DDX46: variants seen among roughly 807,000 people sequenced by gnomAD.
The protein encoded by DDX46 is DEAD-box helicase 46.
In DDX46, 30 loss-of-function variants were observed where a neutral mutation model predicts 134.9. The observed-to-expected ratio is 0.22, with a 90% confidence interval of 0.17 to 0.30. The LOEUF is 0.30. Among genes scored for constraint, DDX46 ranks in the 10% least tolerant of loss-of-function variants. The pLI, the probability that DDX46 is intolerant of heterozygous loss-of-function variation, is 1.00. For missense variants in DDX46, 622 were observed against 1,248.7 expected, an observed-to-expected ratio of 0.50 and a Z score of 7.56; for synonymous variants, 415 against 404.1, an observed-to-expected ratio of 1.03 and a Z score of -0.32.
intron 11 of DDX46, 123 bp from the exon 12 acceptor site, chr5:134,788,390 C>G (rs1754405228): frequency 1.4e-6 from 1 of 704,586 alleles, no homozygotes; most frequent in Non-Finnish European, 2.3e-6. Context: ...CCCCGAGATT[C>G]AAAATAATTA....
At position 134,827,097 on chromosome 5, in the gene DDX46, C is replaced by G. The variant is rs1755610837; in HGVS notation, c.3051+77C>G. The G allele has an allele frequency of 3.6e-6, 5 of 1,390,776 alleles. No individual in the cohort carries two copies. The East Asian group carries it at 1.2e-4, about 35-fold the overall frequency. The allele number at this position is 1,390,776 out of a possible 1,614,324, so 86.2% of individuals were successfully genotyped here. ...TGAAATATAAATACAGAGAAGTACT[C>G]AAATCATAAACATATAGTTTGATGA... is the stretch of plus-strand genomic sequence containing the variant. On this transcript the variant is annotated intron_variant, in intron 22 of 22. Coordinates refer to ENST00000452510, the MANE Select transcript of DDX46 (RefSeq NM_001300860.2).
At chr5:134,808,887 G>A (rs935406437) in intron 16 of DDX46, among the ~76,000 whole-genome samples, 5 of 152,058 alleles carry the variant, frequency 3.3e-5, no homozygotes, top group East Asian at 1.9e-4. Flanking sequence ...AATGGATAAC[G>A]TATTATCTGC....
At chr5:134,790,401 G>T in intron 12 of DDX46, 69 bp from the exon 13 acceptor site, 2 of 1,398,084 alleles carry the variant, frequency 1.4e-6, no homozygotes, top group Non-Finnish European at 2.0e-6. Flanking sequence ...AAAAGTTCTT[G>T]GTAGCCATAA....
At chr5:134,765,394 A>T in intron 2 of DDX46, among the ~76,000 whole-genome samples, 1 of 151,434 alleles carries the variant, frequency 6.6e-6, no homozygotes. Flanking sequence ...AAAAAAAAAA[A>T]AAAAAAAAAT....
chr5:134,792,649 CACA>C (rs1310368502), intron 13 of DDX46, among the ~76,000 whole-genome samples: 1 of 152,176 alleles, frequency 6.6e-6, no homozygotes, highest in Non-Finnish European at 1.5e-5. Flanking sequence ...GTGAGTTCAA[CACA>C]ACATTTTCCA....
chr5:134,780,263 A>G (rs1312145312), intron 6 of DDX46, among the ~76,000 whole-genome samples: 2 of 149,850 alleles, frequency 1.3e-5, no homozygotes, highest in Non-Finnish European at 1.5e-5. Context: ...TTTTATATAT[A>G]TTATTGTTAT....
At chr5:134,781,423 ACATTCTGATGTCTT>A (rs1754149855) in intron 7 of DDX46, among the ~76,000 whole-genome samples, 177 bp downstream of exon 7, 1 of 152,112 alleles carries the variant, frequency 6.6e-6, no homozygotes, top group Admixed American at 6.6e-5. Flanking sequence ...GTTTAGTGGA[ACATTCTGATGTCTT>A]CATTCCTAAC....
rs115213465 is a variant in DDX46, at chr5:134,775,456, C to T, written c.613+1595C>T. 5.9e-3 allele frequency among the ~76,000 whole-genome samples: 888 copies of T among 151,716 alleles called. 4 individuals are homozygous for T. Among genetic ancestry groups the T allele is most frequent in the Middle Eastern group, 0.024 (7 of 292 alleles). ...CTTTTTTTTTTCGCTCTGTTGCCTA[C>T]GCTTGAGTGCAGTGCCGTGATCTCG... On this transcript the variant is annotated intron_variant, in intron 5 of 22. Coordinates refer to ENST00000452510, the MANE Select transcript of DDX46 (RefSeq NM_001300860.2).
intron 13 of DDX46, among the ~76,000 whole-genome samples, chr5:134,792,053 T>C (rs1397429969): frequency 6.6e-6 from 1 of 152,112 alleles, no homozygotes; most frequent in East Asian, 1.9e-4. Flanking sequence ...GACGGGCGCC[T>C]GTAATCCCAG....
intron 10 of DDX46, 135 bp from the exon 11 acceptor site, chr5:134,785,330 A>G: frequency 9.5e-7 from 1 of 1,054,200 alleles, no homozygotes; most frequent in Non-Finnish European, 1.3e-6. Flanking sequence ...CTTTTGAAAT[A>G]GTTTTCAGGG....
chr5:134,778,104 C>T (rs1320104797), intron 6 of DDX46, among the ~76,000 whole-genome samples: 2 of 150,990 alleles, frequency 1.3e-5, no homozygotes, highest in South Asian at 2.1e-4. Flanking sequence ...CTGCATCCTC[C>T]ACCTCCCAGG....
At chr5:134,764,881 C>G (rs1329069986) in intron 2 of DDX46, among the ~76,000 whole-genome samples, 3 of 150,704 alleles carry the variant, frequency 2.0e-5, no homozygotes, top group African/African-American at 7.3e-5. Flanking sequence ...CTTCCACTCT[C>G]TCTCCCTTCC....
intron 15 of DDX46, 138 bp downstream of exon 15, chr5:134,796,288 G>C: frequency 1.1e-6 from 1 of 894,374 alleles, no homozygotes; most frequent in Non-Finnish European, 1.7e-6. Flanking sequence ...AAAGTGCTTT[G>C]TGGGAGTAAG....
chr5:134,763,893 T>TA lies in DDX46; in HGVS notation c.18-10dup. The TA allele has an allele frequency of 6.2e-7, 1 of 1,604,226 alleles. No individual in the cohort carries two copies. The stretch of plus-strand genomic sequence containing the variant: ...TGTTTGCTGAACTTAATCTTTGACT[T>TA]ATTGTTCTAGCCACTATCGAAAACG... On this transcript the variant is annotated splice_polypyrimidine_tract_variant and intron_variant, in intron 1 of 22. Transcript: ENST00000452510.
chr5:134,801,253 C>T (rs185044920), intron 15 of DDX46, among the ~76,000 whole-genome samples: 2 of 151,896 alleles, frequency 1.3e-5, no homozygotes, highest in Admixed American at 6.6e-5. Flanking sequence ...CCCACCTTGG[C>T]GACAGAGTGA....
chr5:134,819,106 A>G (rs892110927), intron 21 of DDX46, 102 bp downstream of exon 21: 2 of 1,289,732 alleles, frequency 1.6e-6, no homozygotes, highest in African/African-American at 3.0e-5. Flanking sequence ...AGAGAACTGA[A>G]AGTAAGAAAC....
intron 21 of DDX46, among the ~76,000 whole-genome samples, chr5:134,821,057 A>T (rs530629157): frequency 1.3e-3 from 184 of 142,402 alleles, no homozygotes; most frequent in African/African-American, 4.4e-3. Flanking sequence ...TTTTTTTGTG[A>T]GAGAGAGTCT....
intron 21 of DDX46, among the ~76,000 whole-genome samples, chr5:134,825,191 T>A (rs1755557385): frequency 6.6e-6 from 1 of 152,198 alleles, no homozygotes; most frequent in Non-Finnish European, 1.5e-5. Flanking sequence ...CACAAAAATA[T>A]CAACAAGCTT....
intron 21 of DDX46, among the ~76,000 whole-genome samples, chr5:134,821,351 A>G (rs1755443857): frequency 1.3e-5 from 2 of 149,122 alleles, no homozygotes; most frequent in Non-Finnish European, 3.0e-5. Flanking sequence ...CAATTTTTGT[A>G]TTTTTAGTAG....
Sources: gnomAD v4.1 joint callset for allele counts (sites outside exome capture counted in the v4.1 genomes callset) on GRCh38, gnomAD v4.1.1 for gene constraint, MANE v1.5 for transcripts, NCBI Gene and HGNC (gene_info 2026-07-23, HGNC 2026-07-21) for gene names.